OBI1: variants seen among roughly 807,000 people sequenced by gnomAD.
OBI1 encodes ORC ubiquitin ligase 1.
OBI1 carries 59 observed loss-of-function variants against 62.4 expected under a neutral mutation model. The ratio of observed to expected loss-of-function variants is 0.95; its 90% confidence interval spans 0.77 to 1.17. The LOEUF (loss-of-function observed/expected upper bound fraction) is 1.17. Ranked by LOEUF, OBI1 falls within the 50% of genes most tolerant of loss-of-function variation. OBI1 has a pLI of 0.00. For synonymous variants in OBI1, 302 were observed against 292.8 expected (o/e 1.03, Z -0.32); for missense variants, 875 against 830.9 (o/e 1.05, Z -0.65).
intron 1 of OBI1, among the ~76,000 whole-genome samples, chr13:78,649,172 A>G (rs776293390): frequency 1.3e-5 from 2 of 152,214 alleles, no homozygotes; most frequent in African/African-American, 2.4e-5. Context: ...TCACTGCCAT[A>G]AAAGACATGA....
chr13:78,622,339 G>A (rs1332675890), intron 5 of OBI1, among the ~76,000 whole-genome samples: 3 of 152,180 alleles, frequency 2.0e-5, no homozygotes, highest in East Asian at 3.8e-4. Context: ...CTACTCAGGA[G>A]GCTGAAGCTG....
At chr13:78,628,117 T>C (rs1397691194) in intron 5 of OBI1, among the ~76,000 whole-genome samples, 2 of 152,212 alleles carry the variant, frequency 1.3e-5, no homozygotes, top group Non-Finnish European at 2.9e-5. Context: ...ATAATATTAA[T>C]TGCTAACTAT....
At chr13:78,649,393 A>C (rs1171405609) in intron 1 of OBI1, among the ~76,000 whole-genome samples, 1 of 152,186 alleles carries the variant, frequency 6.6e-6, no homozygotes, top group Non-Finnish European at 1.5e-5. Context: ...AGATAAGTAA[A>C]ATATTGATGT....
chr13:78,640,265 G>A (rs1876173193), intron 3 of OBI1, among the ~76,000 whole-genome samples: 1 of 151,844 alleles, frequency 6.6e-6, no homozygotes, highest in African/African-American at 2.4e-5. Context: ...GACCCTTAGG[G>A]ATACCAAAAT....
At chr13:78,639,986 G>A (rs537003820) in intron 3 of OBI1, among the ~76,000 whole-genome samples, 168 of 150,954 alleles carry the variant, frequency 1.1e-3, no homozygotes, top group Non-Finnish European at 2.1e-3. Context: ...AAAACTTAAA[G>A]TATAATTAAA....
intron 5 of OBI1, among the ~76,000 whole-genome samples, chr13:78,624,279 T>G (rs1593787564): frequency 6.6e-6 from 1 of 152,172 alleles, no homozygotes; most frequent in Non-Finnish European, 1.5e-5. Context: ...ATGCCAGAAT[T>G]TCACCCTTAA....
Position 78,644,854 on chromosome 13 carries a change from G to T in OBI1, c.208+8C>A, listed in dbSNP as rs774048274. ...CTATTCCTATGCATATATAAAACAG[G>T]CCCTTACCTATAATTTCTTTGCAAG... On this transcript the variant is annotated splice_region_variant and intron_variant, in intron 2 of 5. Transcript: ENST00000282003. The T allele has an allele frequency of 6.2e-7, 1 of 1,612,814 alleles. No homozygotes were observed. Among genetic ancestry groups the T allele is most frequent in the South Asian group, 1.1e-5 (1 of 91,064 alleles).
chr13:78,616,528 G>T lies in OBI1; in HGVS notation c.1233C>A (p.Val411=). 6.2e-7 allele frequency: 1 copy of T among 1,613,994 alleles called. No individual in the cohort carries two copies. Among genetic ancestry groups the T allele is most frequent in the Non-Finnish European group, 8.5e-7 (1 of 1,180,018 alleles). The change falls in exon 6 of 6, where the codon GTC becomes GTA. Residue 411 remains valine (V), a synonymous_variant. Transcript: ENST00000282003. ...STPENRESSV[V]QAGGSKKHSN... ...AGTGCTTTTTGGAACCTCCTGCTTG[G>T]ACCACAGAGCTCTCTCTATTTTCTG... is the stretch of plus-strand genomic sequence containing the variant.
At chr13:78,620,246 G>A (rs1022150650) in intron 5 of OBI1, among the ~76,000 whole-genome samples, 3 of 152,188 alleles carry the variant, frequency 2.0e-5, no homozygotes, top group Non-Finnish European at 4.4e-5. Flanking sequence ...CATAGAAGAA[G>A]GACATGAGCT....
intron 3 of OBI1, among the ~76,000 whole-genome samples, chr13:78,640,336 T>C (rs547889074): frequency 6.6e-6 from 1 of 152,288 alleles, no homozygotes; most frequent in East Asian, 1.9e-4. Context: ...ATAACCTACA[T>C]ACATCTTTCC....
chr13:78,641,915 GA>G (rs1297370097), intron 3 of OBI1, among the ~76,000 whole-genome samples: 1 of 146,580 alleles, frequency 6.8e-6, no homozygotes, highest in Admixed American at 6.8e-5. Flanking sequence ...GGTACTTAAA[GA>G]AAAAAAATAA....
At chr13:78,652,707 C>G (rs979849023) in intron 1 of OBI1, among the ~76,000 whole-genome samples, 1 of 152,158 alleles carries the variant, frequency 6.6e-6, no homozygotes, top group Non-Finnish European at 1.5e-5. Flanking sequence ...AATCTAGATC[C>G]CTTGCATGCA....
chr13:78,614,767 C>T lies in OBI1; in HGVS notation c.*813G>A, dbSNP rs550616488. On this transcript the variant is annotated 3_prime_UTR_variant, in exon 6 of 6. Coordinates refer to ENST00000282003, the MANE Select transcript of OBI1 (RefSeq NM_024546.4). ...AATGAAGCTATGATGTTTTAGGTTC[C>T]TCTAAACCCAAGTGCTCCATGCCTT... 1.3e-5 allele frequency: 2 copies of T among 152,274 alleles called. No homozygotes were observed. The highest frequency in any genetic ancestry group is 4.8e-5 in the African/African-American group (2 of 41,556). The allele number at this position is 152,274 out of a possible 1,614,324, so 9.4% of individuals were successfully genotyped here.
At position 78,639,090 on chromosome 13, in the gene OBI1, G is replaced by T; in HGVS notation, c.301-19C>A. 1.2e-6 allele frequency: 2 copies of T among 1,607,074 alleles called. No homozygotes were observed. The highest frequency in any genetic ancestry group is 2.7e-5 in the African/African-American group (2 of 74,726). On this transcript the variant is annotated intron_variant, in intron 3 of 5. Coordinates refer to ENST00000282003, the MANE Select transcript of OBI1 (RefSeq NM_024546.4). ...TTTCGTCCTGAAAAAGCATTGCATA[G>T]TCATGAGGCAGGCATAGACACTAAA...
chr13:78,629,891 T>A lies in OBI1; in HGVS notation c.638+5219A>T, dbSNP rs55892449. 6.5e-3 allele frequency among the ~76,000 whole-genome samples: 982 copies of A among 152,170 alleles called. 13 individuals are homozygous for A. Among genetic ancestry groups the A allele is most frequent in the African/African-American group, 0.023 (958 of 41,542 alleles). ...TGGTCACAGTAGAGAGATGTAAAAA[T>A]TACATGGACTTTTGCTCTGGTAAAT... On this transcript the variant is annotated intron_variant, in intron 5 of 5. Coordinates refer to ENST00000282003, the MANE Select transcript of OBI1 (RefSeq NM_024546.4).
At chr13:78,633,530 G>T (rs1310860911) in intron 5 of OBI1, among the ~76,000 whole-genome samples, 1 of 152,160 alleles carries the variant, frequency 6.6e-6, no homozygotes, top group African/African-American at 2.4e-5. Flanking sequence ...AAGTCCAGTG[G>T]TTGGATGGGA....
At chr13:78,648,243 G>T (rs1323362197) in intron 1 of OBI1, among the ~76,000 whole-genome samples, 1 of 149,996 alleles carries the variant, frequency 6.7e-6, no homozygotes, top group African/African-American at 2.5e-5. Context: ...CCCAAACCAA[G>T]AAGATACTGC....
chr13:78,649,322 A>G (rs1343179976), intron 1 of OBI1, among the ~76,000 whole-genome samples: 1 of 152,206 alleles, frequency 6.6e-6, no homozygotes, highest in East Asian at 1.9e-4. Flanking sequence ...GATGTAGGAA[A>G]GGAGAATATG....
chr13:78,626,937 G>A (rs1237100816), intron 5 of OBI1, among the ~76,000 whole-genome samples: 10 of 152,108 alleles, frequency 6.6e-5, no homozygotes, highest in Admixed American at 4.6e-4. Context: ...ATGGTGGCGG[G>A]CGCCTGTAGT....
Sources: gnomAD v4.1 joint callset for allele counts (sites outside exome capture counted in the v4.1 genomes callset) on GRCh38, gnomAD v4.1.1 for gene constraint, MANE v1.5 for transcripts, NCBI Gene and HGNC (gene_info 2026-07-23, HGNC 2026-07-21) for gene names.